SGCD: variants seen among roughly 807,000 people sequenced by gnomAD.
The protein encoded by SGCD is sarcoglycan delta, also known as delta-sarcoglycan.
Under a neutral mutation model 36.6 loss-of-function variants are expected in SGCD, and 18 were observed. That is an observed-to-expected ratio of 0.49 (90% CI 0.34 to 0.73). The LOEUF (loss-of-function observed/expected upper bound fraction) is 0.73. Ranked by LOEUF, SGCD falls within the 30% of genes least tolerant of loss-of-function variation. The pLI is 0.01. For synonymous variants in SGCD, 133 were observed against 130.6 expected (o/e 1.02, Z -0.12); for missense variants, 387 against 346.7 (o/e 1.12, Z -0.92).
chr5:156,755,021 A>G (rs1293230385), intron 7 of SGCD, among the ~76,000 whole-genome samples: 1 of 152,196 alleles, frequency 6.6e-6, no homozygotes, highest in African/African-American at 2.4e-5. Flanking sequence ...AACTTGAGAC[A>G]CAGTTACAAT....
chr5:156,263,374 T>A (rs957321835), intron 3 of SGCD, among the ~76,000 whole-genome samples: 3 of 152,198 alleles, frequency 2.0e-5, no homozygotes, highest in African/African-American at 7.2e-5. Flanking sequence ...TTTTTTCATA[T>A]GTTTGTTGGC....
intron 6 of SGCD, among the ~76,000 whole-genome samples, chr5:156,637,935 A>G (rs573556637): frequency 6.6e-6 from 1 of 152,020 alleles, no homozygotes; most frequent in East Asian, 1.9e-4. Context: ...TTTTCAGGTC[A>G]TCATCATCTT....
intron 1 of SGCD, among the ~76,000 whole-genome samples, chr5:156,068,395 A>T (rs1477237238): frequency 2.6e-5 from 4 of 151,874 alleles, no homozygotes; most frequent in Non-Finnish European, 5.9e-5. Flanking sequence ...TTCTTGCGAT[A>T]CTTTACTGAG....
At chr5:155,938,734 A>G (rs890734901) in intron 1 of SGCD, among the ~76,000 whole-genome samples, 3 of 152,226 alleles carry the variant, frequency 2.0e-5, no homozygotes, top group Non-Finnish European at 4.4e-5. Context: ...GGCACCAGAC[A>G]GTGTATTAAG....
chr5:156,494,376 G>C (rs1581074233), intron 3 of SGCD, among the ~76,000 whole-genome samples: 1 of 142,134 alleles, frequency 7.0e-6, no homozygotes, highest in South Asian at 2.2e-4. Flanking sequence ...TCACACCTAT[G>C]GTTTGAACTT....
At chr5:156,368,020 C>T (rs1387048341) in intron 3 of SGCD, among the ~76,000 whole-genome samples, 1 of 151,848 alleles carries the variant, frequency 6.6e-6, no homozygotes, top group Non-Finnish European at 1.5e-5. Flanking sequence ...CTATCCTAGC[C>T]TTTACCCTTC....
chr5:156,380,896 GTA>G (rs1297099510), intron 3 of SGCD, among the ~76,000 whole-genome samples: 2 of 152,198 alleles, frequency 1.3e-5, no homozygotes, highest in Non-Finnish European at 2.9e-5. Context: ...CGTAAGTCGA[GTA>G]GAAGATGTAT....
chr5:156,367,356 A>T (rs1770157749), intron 3 of SGCD, among the ~76,000 whole-genome samples: 1 of 151,836 alleles, frequency 6.6e-6, no homozygotes, highest in Non-Finnish European at 1.5e-5. Flanking sequence ...TAGTAAGTAA[A>T]ATGTGGATTG....
intron 3 of SGCD, among the ~76,000 whole-genome samples, chr5:156,272,382 G>A (rs1024974079): frequency 2.8e-4 from 42 of 152,146 alleles, no homozygotes; most frequent in Non-Finnish European, 1.5e-4. Context: ...GAAATATTCC[G>A]TGGTGTATAT....
rs34607261 is a variant in SGCD at position 156,024,957 on chromosome 5, C to CA, written c.-281-92906dup. On this transcript the variant is annotated intron_variant, in intron 1 of 9. Transcript: ENST00000517913. ...TGGGCAACAGTGCGAGACTCCATCT[C>CA]AAAAAAAAAAAAAAAGAAATGGCTA... is the stretch of plus-strand genomic sequence containing the variant. Among the ~76,000 whole-genome samples the CA allele has an allele frequency of 8.4e-3, 1,050 of 124,436 alleles. 9 individuals are homozygous for CA. Among genetic ancestry groups the CA allele is most frequent in the East Asian group, 0.049 (218 of 4,410 alleles). The allele number at this position is 124,436 out of a possible 152,430, so 81.6% of individuals were successfully genotyped here.
At chr5:156,397,462 C>G (rs1006776952) in intron 3 of SGCD, among the ~76,000 whole-genome samples, 1 of 152,096 alleles carries the variant, frequency 6.6e-6, no homozygotes, top group African/African-American at 2.4e-5. Context: ...TTTTCCTCTC[C>G]GTTCTAGAGG....
At chr5:155,931,308 G>A (rs1212065993) in intron 1 of SGCD, among the ~76,000 whole-genome samples, 1 of 152,106 alleles carries the variant, frequency 6.6e-6, no homozygotes, top group Non-Finnish European at 1.5e-5. Flanking sequence ...ATTGAAAGAA[G>A]TAGCAACCAT....
chr5:156,281,273 C>A (rs187476613), intron 3 of SGCD, among the ~76,000 whole-genome samples: 1 of 151,622 alleles, frequency 6.6e-6, no homozygotes, highest in East Asian at 1.9e-4. Context: ...TCTCATCATC[C>A]CCCCCCAAAA....
At chr5:156,036,513 T>C (rs994604840) in intron 1 of SGCD, among the ~76,000 whole-genome samples, 3 of 152,182 alleles carry the variant, frequency 2.0e-5, no homozygotes, top group African/African-American at 7.2e-5. Flanking sequence ...GCATTTTCCA[T>C]CTGATGAGGG....
intron 1 of SGCD, among the ~76,000 whole-genome samples, chr5:155,929,914 A>G (rs531872553): frequency 1.6e-4 from 24 of 152,184 alleles, no homozygotes; most frequent in African/African-American, 5.5e-4. Flanking sequence ...TCAGAAATTC[A>G]TTCTCTCCCT....
At chr5:155,799,169 CT>C in the SGCD span, among the ~76,000 whole-genome samples, 1 of 152,124 alleles carries the variant, frequency 6.6e-6, no homozygotes, top group Non-Finnish European at 1.5e-5. Context: ...ATTCACATAT[CT>C]GTTAAATATG....
chr5:156,749,707 A>C (rs945651484), intron 7 of SGCD, among the ~76,000 whole-genome samples: 3 of 151,376 alleles, frequency 2.0e-5, no homozygotes, highest in Non-Finnish European at 4.4e-5. Context: ...TATGAAATGG[A>C]AAAAAAAAGC....
chr5:156,026,595 T>C (rs140022899), intron 1 of SGCD, among the ~76,000 whole-genome samples: 1,830 of 152,330 alleles, frequency 0.012, 38 homozygotes, highest in African/African-American at 0.041. Context: ...ATTTTGTCCT[T>C]GGGAAGGCTT....
At chr5:156,715,924 G>T (rs914169641) in intron 7 of SGCD, among the ~76,000 whole-genome samples, 13 of 152,288 alleles carry the variant, frequency 8.5e-5, no homozygotes, top group Non-Finnish European at 1.8e-4. Flanking sequence ...AATCCTGCGG[G>T]GCCTCACAGG....
Sources: allele counts gnomAD v4.1 joint callset (sites outside exome capture counted in the v4.1 genomes callset), GRCh38; gene constraint gnomAD v4.1.1; transcripts MANE v1.5; gene names NCBI Gene and HGNC (gene_info 2026-07-23, HGNC 2026-07-21).